Variants in MAL observed in about 807,000 individuals in gnomAD.
The protein encoded by MAL is mal, T cell differentiation protein (MAL blood group), also known as myelin and lymphocyte protein.
A neutral mutation model predicts 16.7 loss-of-function variants in MAL; 5 were observed. The ratio of observed to expected loss-of-function variants is 0.30; its 90% CI spans 0.16 to 0.63. The LOEUF is 0.63. Among genes scored for constraint, MAL ranks in the 30% least tolerant of loss-of-function variants. The pLI is 0.82. For missense variants in MAL, 202 were observed against 195.8 expected (o/e 1.03, Z -0.19); for synonymous variants, 96 against 85.5 (o/e 1.12, Z -0.67).
rs146765038 is a variant in MAL, at chr2:95,046,194, C to A, written c.94-1765C>A. Among the ~76,000 whole-genome samples the A allele has an allele frequency of 4.0e-3, 610 of 152,308 alleles. 2 individuals are homozygous for A. The highest frequency in any genetic ancestry group is 6.3e-3 in the Non-Finnish European group (429 of 68,036). The stretch of plus-strand genomic sequence containing the variant: ...TCACCCAGCAGGTGGGCAGCAGGTG[C>A]AGGGAGGTGGGGGGGTCAAGGTGCT... On this transcript the variant is annotated intron_variant, in intron 1 of 3. Coordinates refer to ENST00000309988, the MANE Select transcript of MAL (RefSeq NM_002371.4).
At chr2:95,038,348 CTGAG>C (rs1361385974) in intron 1 of MAL, among the ~76,000 whole-genome samples, 5 of 116,770 alleles carry the variant, frequency 4.3e-5, no homozygotes, top group Non-Finnish European at 9.0e-5. Flanking sequence ...GAGTGAGTAA[CTGAG>C]TGAGTGAGTG....
intron 1 of MAL, among the ~76,000 whole-genome samples, chr2:95,042,637 C>A (rs551962487): frequency 6.6e-6 from 1 of 152,168 alleles, no homozygotes; most frequent in Admixed American, 6.5e-5. Flanking sequence ...GCTGTGGGGT[C>A]GGAGGAAGTC....
intron 1 of MAL, among the ~76,000 whole-genome samples, chr2:95,028,977 G>T (rs1031205774): frequency 4.0e-4 from 61 of 152,230 alleles, no homozygotes; most frequent in African/African-American, 1.0e-3. Flanking sequence ...GAGTTGGTGG[G>T]TGCACAACAC....
intron 1 of MAL, among the ~76,000 whole-genome samples, chr2:95,032,537 TA>T (rs1674108568): frequency 6.6e-6 from 1 of 152,184 alleles, no homozygotes; most frequent in South Asian, 2.1e-4. Flanking sequence ...CCAGAGGGTG[TA>T]CCCTCCTGGT....
intron 1 of MAL, among the ~76,000 whole-genome samples, chr2:95,038,664 CTGAG>C (rs571035837): frequency 3.7e-4 from 34 of 92,502 alleles, no homozygotes; most frequent in East Asian, 3.0e-3. Flanking sequence ...GACTGTGTGA[CTGAG>C]TGAGTGACTG....
intron 1 of MAL, among the ~76,000 whole-genome samples, chr2:95,032,285 G>A (rs1173393347): frequency 6.6e-6 from 1 of 152,276 alleles, no homozygotes; most frequent in Non-Finnish European, 1.5e-5. Flanking sequence ...GCTCTGCACA[G>A]CCTTAGCAGT....
chr2:95,045,924 CT>C (rs1342034678), intron 1 of MAL, among the ~76,000 whole-genome samples: 1 of 152,200 alleles, frequency 6.6e-6, no homozygotes, highest in African/African-American at 2.4e-5. Context: ...ATTGATTTTG[CT>C]CCCATTTTTG....
At chr2:95,032,740 T>G (rs1377884232) in intron 1 of MAL, among the ~76,000 whole-genome samples, 3 of 152,178 alleles carry the variant, frequency 2.0e-5, no homozygotes, top group Non-Finnish European at 4.4e-5. Context: ...GTGAAAGGTT[T>G]GATACCCAGT....
chr2:95,044,663 G>A (rs1460649882), intron 1 of MAL: 2 of 152,240 alleles, frequency 1.3e-5, no homozygotes. Context: ...AGGAACCTGC[G>A]AGCCAGTGTG....
At position 95,040,864 on chromosome 2, in the gene MAL, C is replaced by T. The variant is rs1311912223; in HGVS notation, c.94-7095C>T. Reference sequence around the variant, plus strand: ...TCTGTGGCTGGTTTCCTTTACACCTCAAGAATTCAAGGCACAAACTGTTGT... The same window carrying T: ...TCTGTGGCTGGTTTCCTTTACACCTTAAGAATTCAAGGCACAAACTGTTGT... On this transcript the variant is annotated intron_variant, in intron 1 of 3. Transcript: ENST00000309988. Among the ~76,000 whole-genome samples the T allele has an allele frequency of 5.3e-5, 8 of 152,174 alleles. No individual in the cohort carries two copies. The East Asian group carries it at 1.3e-3, about 26-fold the overall frequency.
intron 1 of MAL, among the ~76,000 whole-genome samples, chr2:95,030,084 A>G (rs1262491964): frequency 1.3e-5 from 2 of 152,142 alleles, no homozygotes; most frequent in Non-Finnish European, 2.9e-5. Context: ...TTCCATGGTG[A>G]GGGGACTGCC....
chr2:95,052,875 T>C (rs1388230214), intron 3 of MAL, among the ~76,000 whole-genome samples: 1 of 152,028 alleles, frequency 6.6e-6, no homozygotes, highest in Admixed American at 6.6e-5. Flanking sequence ...ATATTAAGAA[T>C]CCTAAAACAA....
chr2:95,046,904 GAGAGAAAGAGAGAGAAAGAAAGAGAGAA>G (rs1674599142), intron 1 of MAL, among the ~76,000 whole-genome samples: 2 of 149,096 alleles, frequency 1.3e-5, no homozygotes, highest in African/African-American at 2.5e-5. Context: ...GAAAGAGAGA[GAGAGAAAGAGAGAGAAAGAAAGAGAGAA>G]AGAGAAAGAA....
At chr2:95,052,246 C>T (rs1674736125) in intron 3 of MAL, among the ~76,000 whole-genome samples, 1 of 152,210 alleles carries the variant, frequency 6.6e-6, no homozygotes, top group Non-Finnish European at 1.5e-5. Flanking sequence ...GTGCCCAGCT[C>T]TACGTGTTCC....
At chr2:95,047,362 G>C (rs184540655) in intron 1 of MAL, among the ~76,000 whole-genome samples, 2 of 152,292 alleles carry the variant, frequency 1.3e-5, no homozygotes, top group Non-Finnish European at 2.9e-5. Flanking sequence ...AAGTGCTTAG[G>C]ATAGTGCCTG....
intron 2 of MAL, 39 bp downstream of exon 2, chr2:95,048,165 C>T (rs763384911): frequency 5.1e-6 from 8 of 1,562,044 alleles, no homozygotes; most frequent in Admixed American, 5.0e-5. Context: ...TGTAGGGGGG[C>T]GCAGGAAGTA....
At chr2:95,027,305 G>A (rs141198927) in intron 1 of MAL, among the ~76,000 whole-genome samples, 1 of 152,196 alleles carries the variant, frequency 6.6e-6, no homozygotes, top group African/African-American at 2.4e-5. Context: ...TTACAGGGGC[G>A]TGGGAAACCT....
At chr2:95,029,520 T>A (rs1407275748) in intron 1 of MAL, among the ~76,000 whole-genome samples, 1 of 152,280 alleles carries the variant, frequency 6.6e-6, no homozygotes, top group Non-Finnish European at 1.5e-5. Context: ...TTGCTGCCTT[T>A]AGCTATTGCA....
chr2:95,036,973 G>T (rs1674231302), intron 1 of MAL, among the ~76,000 whole-genome samples: 1 of 151,606 alleles, frequency 6.6e-6, no homozygotes, highest in Non-Finnish European at 1.5e-5. Flanking sequence ...GAGTGACCGA[G>T]TGAGTGAGTG....
Sources: gnomAD v4.1 joint callset for allele counts (sites outside exome capture counted in the v4.1 genomes callset) on GRCh38, gnomAD v4.1.1 for gene constraint, MANE v1.5 for transcripts, NCBI Gene and HGNC (gene_info 2026-07-23, HGNC 2026-07-21) for gene names.